RBFOX3: variants seen among roughly 807,000 people sequenced by gnomAD.
RBFOX3 encodes RNA binding protein fox-1 homolog 3.
A neutral mutation model predicts 48.7 loss-of-function variants in RBFOX3; 17 were observed. The ratio of observed to expected loss-of-function variants is 0.35; its 90% confidence interval spans 0.24 to 0.52. The LOEUF is 0.52. RBFOX3 is among the 20% of genes least tolerant of loss of function. The pLI, the probability that RBFOX3 is intolerant of heterozygous loss-of-function variation, is 0.94. For synonymous variants in RBFOX3, 212 were observed against 209.5 expected (o/e 1.01, Z -0.10); for missense variants, 382 against 497.5 (o/e 0.77, Z 2.21).
chr17:79,340,247 C>T (rs184639854), intron 2 of RBFOX3, among the ~76,000 whole-genome samples: 22 of 147,596 alleles, frequency 1.5e-4, no homozygotes, highest in Admixed American at 3.4e-4. Context: ...TGCAGTGAGC[C>T]GAGATCACAC....
intron 3 of RBFOX3, among the ~76,000 whole-genome samples, chr17:79,301,770 C>T (rs368321399): frequency 5.3e-5 from 8 of 152,268 alleles, no homozygotes; most frequent in African/African-American, 1.9e-4. Context: ...AACTATAGGG[C>T]CTTAAAAAGA....
chr17:79,408,232 G>A (rs1374075342), intron 2 of RBFOX3, among the ~76,000 whole-genome samples: 1 of 152,140 alleles, frequency 6.6e-6, no homozygotes, highest in Non-Finnish European at 1.5e-5. Flanking sequence ...GGTCTGCAGG[G>A]GCTCTTACTA....
At chr17:79,518,951 GGCCACGGCCA>G (rs1420491729) in intron 1 of RBFOX3, among the ~76,000 whole-genome samples, 1 of 152,238 alleles carries the variant, frequency 6.6e-6, no homozygotes, top group Non-Finnish European at 1.5e-5. Context: ...GGGCCGAGGC[GGCCACGGCCA>G]GGAACGGCCA....
At chr17:79,415,095 GTT>G (rs1250376068) in intron 2 of RBFOX3, among the ~76,000 whole-genome samples, 1 of 152,150 alleles carries the variant, frequency 6.6e-6, no homozygotes, top group African/African-American at 2.4e-5. Flanking sequence ...TCATCACGGG[GTT>G]CTGAGTCTGG....
At position 79,421,167 on chromosome 17, in the gene RBFOX3, C is replaced by T. The variant is rs1027793216; in HGVS notation, c.-175+61287G>A. On this transcript the variant is annotated intron_variant, in intron 2 of 14. Transcript: ENST00000693108. The surrounding 1 kb of genome is among the most constrained non-coding windows in gnomAD (Gnocchi z 4.5). ...CTTCACAGCAGAGGGCAGGATGCTC[C>T]GTGCCCTAACCTACAGGCCTCCATG... is the stretch of plus-strand genomic sequence containing the variant. 1.3e-5 allele frequency among the ~76,000 whole-genome samples: 2 copies of T among 152,130 alleles called. No individual in the cohort carries two copies. The highest frequency in any genetic ancestry group is 1.9e-4 in the East Asian group (1 of 5,176).
intron 2 of RBFOX3, among the ~76,000 whole-genome samples, chr17:79,447,593 G>T (rs1021390431): frequency 1.3e-5 from 2 of 152,208 alleles, no homozygotes; most frequent in African/African-American, 4.8e-5. Flanking sequence ...GAGGGCCAAG[G>T]GGCTGAAATT....
intron 2 of RBFOX3, among the ~76,000 whole-genome samples, chr17:79,453,257 G>A (rs529196484): frequency 4.6e-5 from 7 of 152,354 alleles, no homozygotes; most frequent in Middle Eastern, 3.4e-3. Context: ...AGTCCAGAGC[G>A]ATGCCCAGAG....
chr17:79,356,384 TTTGAG>T, intron 2 of RBFOX3, among the ~76,000 whole-genome samples: 1 of 76,780 alleles, frequency 1.3e-5, no homozygotes, highest in African/African-American at 4.8e-5. Flanking sequence ...TTTTTTTTTT[TTTGAG>T]GAGGAGTCTC....
At chr17:79,580,777 C>T (rs2093033186) in intron 1 of RBFOX3, among the ~76,000 whole-genome samples, 1 of 152,154 alleles carries the variant, frequency 6.6e-6, no homozygotes, top group Non-Finnish European at 1.5e-5. Flanking sequence ...GGATACACTC[C>T]ATCCTAACCC....
intron 2 of RBFOX3, among the ~76,000 whole-genome samples, chr17:79,336,468 G>T (rs1234587084): frequency 6.6e-6 from 1 of 152,010 alleles, no homozygotes; most frequent in South Asian, 2.1e-4. Context: ...TGGGGCAACC[G>T]AGCTTCTGAA....
At chr17:79,118,378 A>T (rs1056181695) in intron 4 of RBFOX3, among the ~76,000 whole-genome samples, 2 of 152,126 alleles carry the variant, frequency 1.3e-5, no homozygotes, top group African/African-American at 4.8e-5. Flanking sequence ...GTGAGGCCCC[A>T]TCGTCCGTTG....
chr17:79,530,949 C>A (rs1488570089), intron 1 of RBFOX3, among the ~76,000 whole-genome samples: 1 of 152,332 alleles, frequency 6.6e-6, no homozygotes, highest in Non-Finnish European at 1.5e-5. Context: ...CGTGGCTGTG[C>A]CGTGCGGCAG....
At chr17:79,318,471 G>A (rs1180004962) in intron 2 of RBFOX3, among the ~76,000 whole-genome samples, 2 of 152,136 alleles carry the variant, frequency 1.3e-5, no homozygotes, top group African/African-American at 2.4e-5. Flanking sequence ...TTGAGCAACG[G>A]TCTCAGCCAT....
chr17:79,131,848 C>T (rs1370332932), intron 4 of RBFOX3, among the ~76,000 whole-genome samples: 2 of 152,178 alleles, frequency 1.3e-5, no homozygotes, highest in Non-Finnish European at 2.9e-5. Flanking sequence ...AACCCCAGCC[C>T]CAGACCAGAC....
At chr17:79,210,401 T>A (rs908244489) in intron 4 of RBFOX3, among the ~76,000 whole-genome samples, 2 of 152,188 alleles carry the variant, frequency 1.3e-5, no homozygotes, top group African/African-American at 4.8e-5. Flanking sequence ...TTTCACTTGA[T>A]GATATACAGA....
At chr17:79,112,908 G>GGGGGGA (rs2032431526) in intron 5 of RBFOX3, among the ~76,000 whole-genome samples, 1 of 135,290 alleles carries the variant, frequency 7.4e-6, no homozygotes, top group Non-Finnish European at 1.6e-5. Context: ...GGCTCTCGGG[G>GGGGGGA]GGGGGGTGGG....
At chr17:79,463,682 G>T in intron 2 of RBFOX3, among the ~76,000 whole-genome samples, 1 of 43,876 alleles carries the variant, frequency 2.3e-5, no homozygotes, top group African/African-American at 5.7e-5. Context: ...CACTGCCATT[G>T]CCACTGCCAC....
In RBFOX3 at chr17:79,410,139, C is replaced by T. The variant is rs867822010; in HGVS notation, c.-175+72315G>A. On this transcript the variant is annotated intron_variant, in intron 2 of 14. Transcript: ENST00000693108. Reference sequence around the variant, plus strand: ...TGTTCCCGTGCCTGCTGCCTCAGCTCAGCATGCGTGTGCAATGCTAGACGG... The same window carrying T: ...TGTTCCCGTGCCTGCTGCCTCAGCTTAGCATGCGTGTGCAATGCTAGACGG... Among the ~76,000 whole-genome samples the T allele has an allele frequency of 1.3e-4, 20 of 152,352 alleles. No homozygotes were observed. The Middle Eastern group carries it at 0.017, about 130-fold the overall frequency.
chr17:79,381,526 C>T (rs4790023), intron 2 of RBFOX3, among the ~76,000 whole-genome samples: 5,906 of 152,276 alleles, frequency 0.039, 145 homozygotes, highest in East Asian at 0.14. Context: ...GGGCCACAGA[C>T]GTGTTAGGGC....
Sources: gnomAD v4.1 joint callset for allele counts (sites outside exome capture counted in the v4.1 genomes callset) on GRCh38, gnomAD v4.1.1 for gene constraint, Gnocchi (gnomAD v3.1) non-coding constraint, MANE v1.5 for transcripts, NCBI Gene and HGNC (gene_info 2026-07-23, HGNC 2026-07-21) for gene names.